Variants in GBE1 observed in about 807,000 individuals in gnomAD.
GBE1 encodes the protein 1,4-alpha-glucan-branching enzyme.
GBE1 carries 70 observed loss-of-function variants against 88.8 expected under a neutral mutation model. The ratio of observed to expected loss-of-function variants is 0.79; its 90% CI spans 0.65 to 0.96. The LOEUF (loss-of-function observed/expected upper bound fraction) is 0.96, where lower values mean the gene tolerates loss of function less well. Among genes scored for constraint, GBE1 ranks in the 40% least tolerant of loss-of-function variants. The probability of loss-of-function intolerance (pLI) is 0.00; values close to 1 mark genes in which losing one functional copy is unlikely to be tolerated. For synonymous variants in GBE1, 284 were observed against 300.1 expected (o/e 0.95, Z 0.56); for missense variants, 872 against 871.0 (o/e 1.00, Z -0.01).
intron 3 of GBE1, among the ~76,000 whole-genome samples, chr3:81,664,525 G>A (rs948012961): frequency 3.3e-5 from 5 of 149,682 alleles, no homozygotes; most frequent in East Asian, 1.9e-4. Flanking sequence ...GGCCTAAAAC[G>A]CCCCAACATT....
At chr3:81,735,584 C>T (rs966769370) in intron 1 of GBE1, among the ~76,000 whole-genome samples, 2 of 152,198 alleles carry the variant, frequency 1.3e-5, no homozygotes, top group African/African-American at 4.8e-5. Flanking sequence ...TTCCATAAGC[C>T]TTGACTCGAA....
chr3:81,652,675 T>A (rs1704867675), intron 3 of GBE1, among the ~76,000 whole-genome samples: 1 of 152,194 alleles, frequency 6.6e-6, no homozygotes, highest in South Asian at 2.1e-4. Context: ...GTAACTTAGG[T>A]TTTACTTACT....
intron 7 of GBE1, among the ~76,000 whole-genome samples, chr3:81,642,211 G>T (rs1704692157): frequency 6.6e-6 from 1 of 152,018 alleles, no homozygotes; most frequent in Non-Finnish European, 1.5e-5. Context: ...CTGTAAGATG[G>T]CTATAACAAT....
At chr3:81,683,091 C>G (rs866373495) in intron 2 of GBE1, among the ~76,000 whole-genome samples, 1 of 152,050 alleles carries the variant, frequency 6.6e-6, no homozygotes, top group Non-Finnish European at 1.5e-5. Flanking sequence ...GCTGGGGAAA[C>G]GGTAGGATGA....
intron 10 of GBE1, among the ~76,000 whole-genome samples, chr3:81,585,193 T>C (rs928771522): frequency 6.6e-6 from 1 of 152,052 alleles, no homozygotes; most frequent in African/African-American, 2.4e-5. Flanking sequence ...TTGGTCCAAG[T>C]TTAATGTCAC....
chr3:81,755,854 T>C (rs1337128297), intron 1 of GBE1, among the ~76,000 whole-genome samples: 1 of 152,104 alleles, frequency 6.6e-6, no homozygotes, highest in Non-Finnish European at 1.5e-5. Flanking sequence ...GAGGAAAATA[T>C]ATATAAATTT....
chr3:81,749,794 A>AT (rs142847154), intron 1 of GBE1, among the ~76,000 whole-genome samples: 2 of 152,002 alleles, frequency 1.3e-5, no homozygotes, highest in Admixed American at 1.3e-4. Context: ...TTTCAGAATG[A>AT]TTTTTTTTAA....
At chr3:81,567,827 A>T (rs1196476126) in intron 12 of GBE1, among the ~76,000 whole-genome samples, 1 of 152,230 alleles carries the variant, frequency 6.6e-6, no homozygotes, top group Non-Finnish European at 1.5e-5. Flanking sequence ...ATCCTTAAAA[A>T]GCAACAAAGG....
intron 12 of GBE1, among the ~76,000 whole-genome samples, chr3:81,567,308 C>G (rs1332940564): frequency 6.6e-6 from 1 of 152,120 alleles, no homozygotes; most frequent in Non-Finnish European, 1.5e-5. Context: ...GCTTTTATGC[C>G]TTCTCTTTGT....
intron 1 of GBE1, among the ~76,000 whole-genome samples, chr3:81,724,459 C>A (rs571015001): frequency 7.2e-5 from 11 of 152,234 alleles, no homozygotes; most frequent in South Asian, 6.2e-4. Flanking sequence ...ATCAAATTCA[C>A]CCCTGCTCCA....
At chr3:81,636,366 T>G (rs1197785450) in intron 7 of GBE1, among the ~76,000 whole-genome samples, 1 of 152,098 alleles carries the variant, frequency 6.6e-6, no homozygotes, top group Non-Finnish European at 1.5e-5. Flanking sequence ...AATGGGACAC[T>G]CAGTACTCTC....
At chr3:81,607,364 C>T (rs1268414693) in intron 7 of GBE1, among the ~76,000 whole-genome samples, 6 of 152,076 alleles carry the variant, frequency 3.9e-5, no homozygotes, top group Non-Finnish European at 5.9e-5. Context: ...TCCTGGCCCA[C>T]ATGGTGAAAC....
intron 7 of GBE1, among the ~76,000 whole-genome samples, chr3:81,631,945 C>T (rs1290991438): frequency 6.6e-6 from 1 of 152,050 alleles, no homozygotes; most frequent in East Asian, 1.9e-4. Flanking sequence ...TCTCCAAATG[C>T]TATCCCTCCC....
At chr3:81,511,025 T>C (rs1702719867) in intron 14 of GBE1, among the ~76,000 whole-genome samples, 1 of 151,988 alleles carries the variant, frequency 6.6e-6, no homozygotes, top group Non-Finnish European at 1.5e-5. Context: ...ACTTTAAATA[T>C]AGATAATTTT....
At chr3:81,588,334 C>A (rs772512022) in intron 9 of GBE1, among the ~76,000 whole-genome samples, 1 of 151,970 alleles carries the variant, frequency 6.6e-6, no homozygotes, top group Non-Finnish European at 1.5e-5. Flanking sequence ...AAATATCAGG[C>A]ACCATATTAG....
intron 8 of GBE1, 97 bp from the exon 9 acceptor site, chr3:81,591,261 T>C (rs1393626123): frequency 1.0e-6 from 1 of 974,176 alleles, no homozygotes; most frequent in African/African-American, 1.7e-5. Context: ...ATATGAATTT[T>C]GTTATTGTAG....
chr3:81,491,907 T>TA (rs1365841083), intron 15 of GBE1, among the ~76,000 whole-genome samples: 1 of 152,286 alleles, frequency 6.6e-6, no homozygotes, highest in East Asian at 1.9e-4. Context: ...ATACTACTCT[T>TA]AAAAAAATCA....
At chr3:81,567,114 C>A (rs879717849) in intron 12 of GBE1, among the ~76,000 whole-genome samples, 1 of 152,188 alleles carries the variant, frequency 6.6e-6, no homozygotes, top group Admixed American at 6.5e-5. Flanking sequence ...CGCTCATCAT[C>A]CCCTCAGAAT....
intron 12 of GBE1, among the ~76,000 whole-genome samples, chr3:81,560,430 T>C (rs980804602): frequency 3.3e-5 from 5 of 151,954 alleles, no homozygotes; most frequent in South Asian, 2.1e-4. Flanking sequence ...GGAAAGACTA[T>C]AAAAATGACT....
Sources: gnomAD v4.1 joint callset for allele counts (sites outside exome capture counted in the v4.1 genomes callset) on GRCh38, gnomAD v4.1.1 for gene constraint, MANE v1.5 for transcripts, NCBI Gene and HGNC (gene_info 2026-07-23, HGNC 2026-07-21) for gene names.